The following CSMD3 variants were observed in gnomAD, a reference collection of about 807,000 sequenced individuals.
CSMD3 encodes CUB and sushi domain-containing protein 3.
Under a neutral mutation model 435.2 loss-of-function variants are expected in CSMD3, and 177 were observed. The ratio of observed to expected loss-of-function variants is 0.41; its 90% CI spans 0.36 to 0.46. The LOEUF (loss-of-function observed/expected upper bound fraction) is 0.46, where lower values mean the gene tolerates loss of function less well. Among genes scored for constraint, CSMD3 ranks in the 20% least tolerant of loss-of-function variants. CSMD3 has a pLI of 0.34. For synonymous variants in CSMD3, 1,656 were observed against 1,520.5 expected, an observed-to-expected ratio of 1.09 and a Z score of -2.07; for missense variants, 4,265 against 4,504.6, an observed-to-expected ratio of 0.95 and a Z score of 1.52.
intron 10 of CSMD3, among the ~76,000 whole-genome samples, chr8:112,908,334 C>G (rs1482463485): frequency 6.6e-6 from 1 of 151,360 alleles, no homozygotes; most frequent in Non-Finnish European, 1.5e-5. Context: ...ACTTCAGTTT[C>G]CTTAAATGTC....
chr8:112,408,371 C>A lies in CSMD3; in HGVS notation c.5552G>T (p.Arg1851Leu), dbSNP rs758681135. The change falls in exon 34 of 71, where the codon CGA (arginine) becomes CTA (leucine). Residue 1851 changes from arginine (R) to leucine (L), a missense_variant. Physicochemically the swap from Arg to Leu is moderately radical, Grantham distance 102. Coordinates refer to ENST00000297405, the MANE Select transcript of CSMD3 (RefSeq NM_198123.2). Reference sequence around the variant, plus strand: ...TGTTATTGGTCCAACTGAAGTAAATCGAATTGTGATCTGATTACCTGAACT... The same window carrying A: ...TGTTATTGGTCCAACTGAAGTAAATAGAATTGTGATCTGATTACCTGAACT... ...PLSSGNQITI[R>L]FTSVGPITAK... is the part of the protein sequence containing the mutation. 1 of 1,611,784 alleles carries A rather than the reference C, an allele frequency of 6.2e-7. No individual in the cohort carries two copies. Among genetic ancestry groups the A allele is most frequent in the Non-Finnish European group, 8.5e-7 (1 of 1,178,422 alleles).
intron 2 of CSMD3, among the ~76,000 whole-genome samples, chr8:113,288,002 C>T (rs1370843208): frequency 1.3e-5 from 2 of 151,820 alleles, no homozygotes; most frequent in Non-Finnish European, 2.9e-5. Context: ...ATGAAATTTT[C>T]CTCTCCAAAT....
chr8:113,202,908 G>T (rs2092729622), intron 3 of CSMD3, among the ~76,000 whole-genome samples: 1 of 152,064 alleles, frequency 6.6e-6, no homozygotes. Flanking sequence ...CTGAGCAATT[G>T]TCCAAGTATT....
chr8:112,239,160 C>T (rs529504524), intron 66 of CSMD3, among the ~76,000 whole-genome samples: 1 of 152,118 alleles, frequency 6.6e-6, no homozygotes, highest in South Asian at 2.1e-4. Context: ...GATTTCTGTA[C>T]GTCACTTCCC....
intron 12 of CSMD3, among the ~76,000 whole-genome samples, chr8:112,817,402 T>A (rs1323987724): frequency 6.6e-6 from 1 of 151,632 alleles, no homozygotes; most frequent in African/African-American, 2.4e-5. Context: ...CACTATCAGA[T>A]GAATTTATAC....
rs973225036 is a variant in CSMD3, at chr8:112,255,528, A to C, written c.9863-101T>G. 3 of 1,024,376 alleles carry C rather than the reference A, an allele frequency of 2.9e-6. No homozygotes were observed. The African/African-American group carries it at 4.8e-5, about 16-fold the overall frequency. 63.5% of individuals were successfully genotyped at this position (1,024,376 alleles called of 1,614,324 possible). A position where few individuals can be genotyped will look rare whatever the true frequency, so the allele number is the denominator to read the frequency against. ...AATCAATTTGAATATTGTACTAAAG[A>C]GATATATTATTCATGATAAAGCTAT... is the stretch of plus-strand genomic sequence containing the variant. On this transcript the variant is annotated intron_variant, in intron 61 of 70. Coordinates refer to ENST00000297405, the MANE Select transcript of CSMD3 (RefSeq NM_198123.2).
At chr8:112,594,196 C>T (rs1305662677) in intron 22 of CSMD3, among the ~76,000 whole-genome samples, 1 of 152,180 alleles carries the variant, frequency 6.6e-6, no homozygotes, top group Non-Finnish European at 1.5e-5. Context: ...CGAGGCATTG[C>T]CTCACTTGGG....
chr8:112,229,004 T>C (rs1563659716), intron 69 of CSMD3, 113 bp from the exon 70 acceptor site: 6 of 668,508 alleles, frequency 9.0e-6, no homozygotes, highest in Admixed American at 5.5e-5. Flanking sequence ...GGAAATCACA[T>C]AGTAAACAAA....
intron 32 of CSMD3, among the ~76,000 whole-genome samples, chr8:112,466,169 C>T (rs1197974579): frequency 6.6e-6 from 1 of 152,086 alleles, no homozygotes; most frequent in African/African-American, 2.4e-5. Context: ...GTGTCATATA[C>T]TTTAAGTAAA....
intron 2 of CSMD3, among the ~76,000 whole-genome samples, chr8:113,299,860 G>A (rs2093751001): frequency 6.6e-6 from 1 of 152,064 alleles, no homozygotes; most frequent in African/African-American, 2.4e-5. Context: ...TAGGTGTGTG[G>A]CACATGCCTG....
chr8:112,313,381 G>T (rs1433507166), intron 49 of CSMD3, among the ~76,000 whole-genome samples: 2 of 152,070 alleles, frequency 1.3e-5, no homozygotes, highest in Non-Finnish European at 2.9e-5. Context: ...ATCACAAATA[G>T]ATGGATAAAA....
At chr8:112,385,741 T>C (rs1158383835) in intron 36 of CSMD3, among the ~76,000 whole-genome samples, 2 of 152,120 alleles carry the variant, frequency 1.3e-5, no homozygotes, top group African/African-American at 4.8e-5. Flanking sequence ...AGGAAAAATT[T>C]GAGAATAATT....
At chr8:112,783,570 G>A (rs1042171992) in intron 13 of CSMD3, among the ~76,000 whole-genome samples, 1 of 152,086 alleles carries the variant, frequency 6.6e-6, no homozygotes, top group African/African-American at 2.4e-5. Context: ...ATAACAAAAT[G>A]AAGGTAGTGA....
At chr8:112,789,578 T>C (rs531217783) in intron 13 of CSMD3, among the ~76,000 whole-genome samples, 112 of 151,560 alleles carry the variant, frequency 7.4e-4, no homozygotes, top group Non-Finnish European at 1.3e-3. Flanking sequence ...GTCACTGAAA[T>C]GTATCTGTGT....
chr8:113,181,535 A>G (rs1002301562), intron 3 of CSMD3, among the ~76,000 whole-genome samples: 2 of 152,114 alleles, frequency 1.3e-5, no homozygotes, highest in Admixed American at 6.6e-5. Context: ...TCAATTGGAA[A>G]TATCTGTGCC....
intron 13 of CSMD3, among the ~76,000 whole-genome samples, chr8:112,796,763 C>T (rs1398426225): frequency 1.3e-5 from 2 of 151,990 alleles, no homozygotes; most frequent in South Asian, 2.1e-4. Flanking sequence ...ACATTTAGTT[C>T]ACATCTTAAA....
chr8:112,747,476 T>C (rs2077459747), intron 13 of CSMD3, among the ~76,000 whole-genome samples: 1 of 152,054 alleles, frequency 6.6e-6, no homozygotes, highest in Non-Finnish European at 1.5e-5. Flanking sequence ...AGTTACTTTT[T>C]AGCTGTGGTA....
intron 1 of CSMD3, among the ~76,000 whole-genome samples, chr8:113,413,431 T>C (rs576947042): frequency 6.6e-6 from 1 of 152,060 alleles, no homozygotes; most frequent in Admixed American, 6.6e-5. Context: ...AACTGCAGCA[T>C]AAAGAAAGTC....
intron 36 of CSMD3, among the ~76,000 whole-genome samples, chr8:112,383,941 A>C (rs1413440117): frequency 5.9e-5 from 9 of 152,218 alleles, no homozygotes; most frequent in Admixed American, 2.6e-4. Flanking sequence ...TCTTTTCAAA[A>C]GATTTGAGCT....
Sources: allele counts gnomAD v4.1 joint callset (sites outside exome capture counted in the v4.1 genomes callset), GRCh38; gene constraint gnomAD v4.1.1; transcripts MANE v1.5; gene names NCBI Gene and HGNC (gene_info 2026-07-23, HGNC 2026-07-21).